RGS7: variants seen among roughly 807,000 people sequenced by gnomAD.
The protein encoded by RGS7 is regulator of G-protein signaling 7.
RGS7 carries 27 observed loss-of-function variants against 81.1 expected under a neutral mutation model. The observed-to-expected ratio is 0.33, with a 90% CI of 0.25 to 0.46. The LOEUF (loss-of-function observed/expected upper bound fraction) is 0.46, where lower values mean the gene tolerates loss of function less well. Among genes scored for constraint, RGS7 ranks in the 20% least tolerant of loss-of-function variants. RGS7 has a pLI of 1.00. For missense variants in RGS7, 396 were observed against 607.4 expected (o/e 0.65, Z 3.66); for synonymous variants, 208 against 207.7 (o/e 1.00, Z -0.01).
chr1:240,930,178 A>G (rs1675162669), intron 6 of RGS7, among the ~76,000 whole-genome samples: 1 of 150,128 alleles, frequency 6.7e-6, no homozygotes, highest in South Asian at 2.1e-4. Flanking sequence ...GTTTGTTCTA[A>G]GTTCACTGAA....
At chr1:240,857,133 C>T (rs1472195834) in intron 9 of RGS7, among the ~76,000 whole-genome samples, 3 of 152,040 alleles carry the variant, frequency 2.0e-5, no homozygotes, top group East Asian at 1.9e-4. Flanking sequence ...TTCTTGTGGT[C>T]GGATATTTTG....
chr1:240,816,303 A>G lies in RGS7; in HGVS notation c.783+14T>C, dbSNP rs201758687. 2.8e-5 allele frequency: 44 copies of G among 1,552,254 alleles called. No individual in the cohort carries two copies. The highest frequency in any genetic ancestry group is 3.7e-5 in the Non-Finnish European group (42 of 1,123,876). On this transcript the variant is annotated intron_variant, in intron 11 of 18. Transcript: ENST00000440928. ...CTGTAAACCTTTAACAGGTCATCTCATAGGTTGACTCACCTGTTGTTGTAA... is the reference window on the plus strand; with the variant it reads ...CTGTAAACCTTTAACAGGTCATCTCGTAGGTTGACTCACCTGTTGTTGTAA...
chr1:240,818,466 T>C lies in RGS7; in HGVS notation c.685-2051A>G, dbSNP rs888714933. The stretch of plus-strand genomic sequence containing the variant: ...GCCTGGAATATAAAGTGATTTAATT[T>C]ACACTGAAGGAATGGAAATGGCCCA... On this transcript the variant is annotated intron_variant, in intron 10 of 18. Transcript: ENST00000440928. Among the ~76,000 whole-genome samples the C allele has an allele frequency of 1.6e-4, 24 of 152,310 alleles. 1 individual carries two copies. The highest frequency in any genetic ancestry group is 6.8e-3 in the Middle Eastern group (2 of 294).
intron 3 of RGS7, among the ~76,000 whole-genome samples, chr1:241,035,168 G>A (rs1453932775): frequency 2.0e-5 from 3 of 152,084 alleles, no homozygotes; most frequent in Non-Finnish European, 4.4e-5. Context: ...GCAACATTAA[G>A]GGTAGCAAGA....
intron 2 of RGS7, among the ~76,000 whole-genome samples, chr1:241,293,297 G>A (rs920467990): frequency 6.6e-6 from 1 of 152,170 alleles, no homozygotes; most frequent in Non-Finnish European, 1.5e-5. Context: ...TAATGATAAT[G>A]ACTATGTTAC....
intron 6 of RGS7, among the ~76,000 whole-genome samples, chr1:240,908,618 C>A (rs1356711680): frequency 1.3e-5 from 2 of 152,174 alleles, no homozygotes; most frequent in Non-Finnish European, 2.9e-5. Flanking sequence ...AAAGCTCCAC[C>A]TAAGATAGAA....
intron 3 of RGS7, among the ~76,000 whole-genome samples, chr1:241,052,507 T>TG (rs1296239188): frequency 6.6e-6 from 1 of 152,138 alleles, no homozygotes; most frequent in Non-Finnish European, 1.5e-5. Context: ...ACTACTACTC[T>TG]GAACTCTTTG....
chr1:240,925,897 G>A (rs949411787), intron 6 of RGS7, among the ~76,000 whole-genome samples: 1 of 152,080 alleles, frequency 6.6e-6, no homozygotes, highest in Non-Finnish European at 1.5e-5. Flanking sequence ...GCATTTTCTT[G>A]TATGTTTGCT....
intron 2 of RGS7, among the ~76,000 whole-genome samples, chr1:241,178,419 C>G (rs1395617204): frequency 6.6e-6 from 1 of 152,096 alleles, no homozygotes; most frequent in Non-Finnish European, 1.5e-5. Flanking sequence ...AGCCATAGAA[C>G]CAGCTGTGAT....
Position 240,901,015 on chromosome 1 carries a change from C to G in RGS7, c.385+29702G>C, listed in dbSNP as rs185433554. Among the ~76,000 whole-genome samples the G allele has an allele frequency of 5.1e-3, 774 of 152,314 alleles. 4 individuals are homozygous for G. The highest frequency in any genetic ancestry group is 0.017 in the African/African-American group (720 of 41,568). On this transcript the variant is annotated intron_variant, in intron 6 of 18. Transcript: ENST00000440928. The stretch of plus-strand genomic sequence containing the variant: ...GTGGCAGACACCCCTCCCCCAGCCT[C>G]GCTGCTGCCTTGCAGTTCGATCTCA...
chr1:241,199,139 T>A (rs2073299806), intron 2 of RGS7, among the ~76,000 whole-genome samples: 1 of 151,888 alleles, frequency 6.6e-6, no homozygotes, highest in Non-Finnish European at 1.5e-5. Context: ...TTATTTATAA[T>A]AAAAGCCCTT....
intron 10 of RGS7, among the ~76,000 whole-genome samples, chr1:240,825,364 C>A (rs1267798479): frequency 1.3e-5 from 2 of 152,132 alleles, no homozygotes; most frequent in African/African-American, 4.8e-5. Flanking sequence ...GTCGGATAAC[C>A]TTCCATGTAA....
At chr1:241,157,238 C>T (rs1180524857) in intron 2 of RGS7, among the ~76,000 whole-genome samples, 2 of 152,206 alleles carry the variant, frequency 1.3e-5, no homozygotes, top group Non-Finnish European at 2.9e-5. Context: ...ACAAGTTCCA[C>T]TCTGCTCCTG....
intron 2 of RGS7, among the ~76,000 whole-genome samples, chr1:241,158,568 T>TA (rs1191647476): frequency 6.6e-6 from 1 of 152,238 alleles, no homozygotes; most frequent in East Asian, 1.9e-4. Context: ...GCAGCCGTGT[T>TA]AATGTTAAAT....
intron 2 of RGS7, among the ~76,000 whole-genome samples, chr1:241,298,881 C>A (rs1212504801): frequency 1.3e-5 from 2 of 152,012 alleles, no homozygotes; most frequent in African/African-American, 4.8e-5. Context: ...TATTTTTTTC[C>A]ACAGTATTTT....
chr1:240,801,529 T>C (rs1688027207), intron 16 of RGS7, 21 bp from the exon 17 acceptor site: 2 of 1,557,370 alleles, frequency 1.3e-6, no homozygotes, highest in Non-Finnish European at 8.9e-7. Context: ...TGGGGTAGGA[T>C]AGGATGAAGG....
intron 3 of RGS7, among the ~76,000 whole-genome samples, chr1:241,029,406 G>A (rs954011975): frequency 7.9e-5 from 12 of 152,140 alleles, no homozygotes; most frequent in African/African-American, 2.2e-4. Context: ...AAAATCTGAC[G>A]TGGGGTTTGG....
chr1:240,954,837 A>G (rs181312274), intron 4 of RGS7, among the ~76,000 whole-genome samples: 31 of 152,302 alleles, frequency 2.0e-4, no homozygotes, highest in African/African-American at 7.2e-4. Flanking sequence ...ATAATTGTCT[A>G]CGTAGAAAAT....
chr1:241,067,482 T>G (rs1274309743), intron 3 of RGS7, among the ~76,000 whole-genome samples: 1 of 151,726 alleles, frequency 6.6e-6, no homozygotes, highest in Admixed American at 6.6e-5. Context: ...ACTCAGCTAG[T>G]AGAACATTCA....
Sources: allele counts gnomAD v4.1 joint callset (sites outside exome capture counted in the v4.1 genomes callset), GRCh38; gene constraint gnomAD v4.1.1; transcripts MANE v1.5; gene names NCBI Gene and HGNC (gene_info 2026-07-23, HGNC 2026-07-21).